Variants in RSRC1 observed in about 807,000 individuals in gnomAD.
RSRC1 encodes arginine and serine rich coiled-coil 1.
Under a neutral mutation model 49.1 loss-of-function variants are expected in RSRC1, and 39 were observed. The observed-to-expected ratio is 0.79, with a 90% CI of 0.61 to 1.04. The LOEUF is 1.04. Among genes scored for constraint, RSRC1 ranks in the 50% least tolerant of loss-of-function variants. The pLI is 0.00. For synonymous variants in RSRC1, 143 were observed against 130.8 expected, an observed-to-expected ratio of 1.09 and a Z score of -0.63; for missense variants, 388 against 402.4, an observed-to-expected ratio of 0.96 and a Z score of 0.31.
intron 8 of RSRC1, among the ~76,000 whole-genome samples, chr3:158,542,957 A>C (rs1359974320): frequency 1.3e-5 from 2 of 152,196 alleles, no homozygotes; most frequent in Non-Finnish European, 2.9e-5. Context: ...TATATGAAAT[A>C]TATGTATATT....
intron 6 of RSRC1, among the ~76,000 whole-genome samples, chr3:158,442,249 A>C (rs12637436): frequency 0.13 from 20,409 of 151,976 alleles, 1,499 homozygotes; most frequent in Middle Eastern, 0.2. Flanking sequence ...CTTTCATAAA[A>C]TATTTCTCTG....
At chr3:158,323,138 C>T (rs995249566) in intron 5 of RSRC1, among the ~76,000 whole-genome samples, 1 of 151,874 alleles carries the variant, frequency 6.6e-6, no homozygotes, top group East Asian at 1.9e-4. Flanking sequence ...CTTAATTTAC[C>T]AATTTTGTTC....
intron 6 of RSRC1, among the ~76,000 whole-genome samples, chr3:158,394,888 T>C (rs967537463): frequency 4.6e-5 from 7 of 152,170 alleles, no homozygotes. Flanking sequence ...AAAGCAATCC[T>C]AAGCAAAAAG....
intron 4 of RSRC1, among the ~76,000 whole-genome samples, chr3:158,215,845 TGAG>T (rs1267430433): frequency 2.0e-5 from 3 of 151,812 alleles, no homozygotes; most frequent in Non-Finnish European, 4.4e-5. Flanking sequence ...TATTTTAGGA[TGAG>T]GAGATTATGT....
At chr3:158,320,489 C>G (rs1316442434) in intron 5 of RSRC1, among the ~76,000 whole-genome samples, 1 of 151,972 alleles carries the variant, frequency 6.6e-6, no homozygotes, top group African/African-American at 2.4e-5. Context: ...ATAAACTATT[C>G]AACTAACCAT....
intron 5 of RSRC1, among the ~76,000 whole-genome samples, chr3:158,313,098 T>TC (rs1047183627): frequency 2.0e-5 from 3 of 151,776 alleles, no homozygotes; most frequent in African/African-American, 4.8e-5. Flanking sequence ...ACCAACAACC[T>TC]CCCCCCTCCC....
chr3:158,533,669 C>T (rs1560078396), intron 7 of RSRC1, among the ~76,000 whole-genome samples: 1 of 151,588 alleles, frequency 6.6e-6, no homozygotes, highest in Non-Finnish European at 1.5e-5. Context: ...TCATATGAGA[C>T]ATCATCCTGA....
chr3:158,425,413 G>A (rs1479267563), intron 6 of RSRC1, among the ~76,000 whole-genome samples: 1 of 152,066 alleles, frequency 6.6e-6, no homozygotes, highest in African/African-American at 2.4e-5. Flanking sequence ...GTAATCCTGA[G>A]TTCTAGTTTG....
intron 6 of RSRC1, among the ~76,000 whole-genome samples, chr3:158,355,531 G>T (rs566749187): frequency 6.6e-6 from 1 of 151,804 alleles, no homozygotes; most frequent in Non-Finnish European, 1.5e-5. Flanking sequence ...TAACTCACTG[G>T]ACTGTATGTT....
At chr3:158,517,461 C>T (rs1054639656) in intron 7 of RSRC1, among the ~76,000 whole-genome samples, 2 of 152,136 alleles carry the variant, frequency 1.3e-5, no homozygotes, top group African/African-American at 4.8e-5. Flanking sequence ...TAATATTTAA[C>T]AAGTATGATA....
Position 158,323,955 on chromosome 3 carries a change from A to G in RSRC1, c.531+25880A>G, listed in dbSNP as rs1192635329. 4.0e-5 allele frequency among the ~76,000 whole-genome samples: 4 copies of G among 99,642 alleles called. 1 individual carries two copies. In the South Asian group the frequency reaches 1.2e-3, roughly 29 times the overall value. 65.4% of individuals were successfully genotyped at this position (99,642 alleles called of 152,430 possible). On this transcript the variant is annotated intron_variant, in intron 5 of 9. Coordinates refer to ENST00000611884, the MANE Select transcript of RSRC1 (RefSeq NM_001271838.2). ...TAGTACACATTATATATACACAGAG[A>G]GAGACAGAGAATCAACAGTATGATC...
intron 4 of RSRC1, among the ~76,000 whole-genome samples, chr3:158,287,402 A>T (rs1204638450): frequency 2.6e-5 from 4 of 152,162 alleles, no homozygotes; most frequent in Non-Finnish European, 4.4e-5. Context: ...TGGAGATGAA[A>T]TATACTAGGT....
At chr3:158,153,322 A>G (rs1315158807) in intron 3 of RSRC1, among the ~76,000 whole-genome samples, 1 of 152,144 alleles carries the variant, frequency 6.6e-6, no homozygotes, top group African/African-American at 2.4e-5. Context: ...TAGAGTTGCC[A>G]GTAGAGGCAA....
intron 3 of RSRC1, among the ~76,000 whole-genome samples, chr3:158,178,806 G>T (rs943612656): frequency 6.6e-6 from 1 of 152,004 alleles, no homozygotes; most frequent in Non-Finnish European, 1.5e-5. Context: ...GTTCCAGTTT[G>T]CTTCTGTTTG....
At chr3:158,333,869 A>G (rs925772541) in intron 5 of RSRC1, among the ~76,000 whole-genome samples, 3 of 152,228 alleles carry the variant, frequency 2.0e-5, no homozygotes, top group Non-Finnish European at 4.4e-5. Flanking sequence ...GGGAGACAAA[A>G]TAAAGAAGTT....
chr3:158,479,609 G>C (rs1738528301), intron 7 of RSRC1, among the ~76,000 whole-genome samples: 1 of 151,940 alleles, frequency 6.6e-6, no homozygotes, highest in Admixed American at 6.6e-5. Flanking sequence ...TTGTTCACCA[G>C]ATATGACTCC....
intron 3 of RSRC1, among the ~76,000 whole-genome samples, chr3:158,152,381 G>A (rs1364146976): frequency 6.6e-6 from 1 of 152,174 alleles, no homozygotes; most frequent in African/African-American, 2.4e-5. Flanking sequence ...CAAGCAGGAT[G>A]TTAGTCATTC....
At chr3:158,444,806 T>C (rs984564455) in intron 6 of RSRC1, among the ~76,000 whole-genome samples, 10 of 151,766 alleles carry the variant, frequency 6.6e-5, no homozygotes, top group African/African-American at 2.2e-4. Context: ...CAAACAAATT[T>C]ACAAGAAAAA....
chr3:158,144,281 C>G (rs923054800), intron 3 of RSRC1, among the ~76,000 whole-genome samples: 12 of 152,040 alleles, frequency 7.9e-5, no homozygotes, highest in African/African-American at 2.9e-4. Flanking sequence ...CTATCCCTCC[C>G]CCCTCCTCCC....
Sources: allele counts gnomAD v4.1 joint callset (sites outside exome capture counted in the v4.1 genomes callset), GRCh38; gene constraint gnomAD v4.1.1; transcripts MANE v1.5; gene names NCBI Gene and HGNC (gene_info 2026-07-23, HGNC 2026-07-21).